POU3F3: variants seen among roughly 807,000 people sequenced by gnomAD.
POU3F3 encodes POU class 3 homeobox 3, also known as POU domain, class 3, transcription factor 3.
Under a neutral mutation model 8.6 loss-of-function variants are expected in POU3F3, and 1 was observed. That is an observed-to-expected ratio of 0.12 (90% CI 0.04 to 0.55). The LOEUF (loss-of-function observed/expected upper bound fraction) is 0.55. Ranked by LOEUF, POU3F3 falls within the 20% of genes least tolerant of loss-of-function variation. The pLI, the probability that POU3F3 is intolerant of heterozygous loss-of-function variation, is 0.91. For synonymous variants in POU3F3, 418 were observed against 327.4 expected, an observed-to-expected ratio of 1.28 and a Z score of -2.99; for missense variants, 577 against 690.7, an observed-to-expected ratio of 0.84 and a Z score of 1.84.
At chr2:104,914,112 A>G in the POU3F3 span, among the ~76,000 whole-genome samples, 1 of 152,230 alleles carries the variant, frequency 6.6e-6, no homozygotes, top group Non-Finnish European at 1.5e-5. Flanking sequence ...AGAAAGCAAT[A>G]TCAGTGAGCA....
At chr2:104,901,082 T>C in the POU3F3 span, among the ~76,000 whole-genome samples, 24 of 152,350 alleles carry the variant, frequency 1.6e-4, no homozygotes, top group South Asian at 1.7e-3. Context: ...TGCTTAGTTC[T>C]GTTCTAAATT....
the POU3F3 span, among the ~76,000 whole-genome samples, chr2:104,923,052 T>G: frequency 6.6e-6 from 1 of 152,174 alleles, no homozygotes; most frequent in Non-Finnish European, 1.5e-5. Context: ...GCAAAACTAT[T>G]CTTTAAAAGT....
chr2:104,902,062 G>A, the POU3F3 span, among the ~76,000 whole-genome samples: 2 of 152,072 alleles, frequency 1.3e-5, no homozygotes, highest in African/African-American at 2.4e-5. Flanking sequence ...GGAATGATGG[G>A]CGAGGCTCCC....
At chr2:104,913,630 G>A in the POU3F3 span, among the ~76,000 whole-genome samples, 4 of 152,286 alleles carry the variant, frequency 2.6e-5, no homozygotes, top group East Asian at 3.9e-4. Context: ...TCAGTAAAAC[G>A]TATGTGAATA....
the POU3F3 span, among the ~76,000 whole-genome samples, chr2:104,863,868 T>C: frequency 6.6e-6 from 1 of 152,222 alleles, no homozygotes; most frequent in African/African-American, 2.4e-5. Context: ...GCTCATTGTC[T>C]GGGAAGACAC....
the POU3F3 span, among the ~76,000 whole-genome samples, chr2:104,872,789 A>G: frequency 6.6e-6 from 1 of 152,206 alleles, no homozygotes; most frequent in Non-Finnish European, 1.5e-5. The surrounding 1 kb of genome is among the most constrained non-coding windows in gnomAD (Gnocchi z 4.6). Context: ...GAGGAGACGC[A>G]TCCCTTCTTG....
At chr2:104,865,591 A>G in the POU3F3 span, 4 of 152,238 alleles carry the variant, frequency 2.6e-5, no homozygotes, top group East Asian at 3.8e-4. Flanking sequence ...AGGCAAGCCC[A>G]TTAAGTCGGC....
chr2:104,856,301 C>G lies in POU3F3; in HGVS notation c.791C>G (p.Thr264Arg). The G allele has an allele frequency of 6.7e-7, 1 of 1,500,364 alleles. No homozygotes were observed. The highest frequency in any genetic ancestry group is 8.8e-7 in the Non-Finnish European group (1 of 1,131,558). 92.9% of individuals were successfully genotyped at this position (1,500,364 alleles called of 1,614,324 possible). The change falls in exon 1 of 1, where the codon ACG (threonine) becomes AGG (arginine). Residue 264 changes from threonine (T) to arginine (R), a missense_variant. Thr to Arg is a moderately conservative substitution (Grantham distance 71). Around this residue, in one of 7 missense-constraint regions of POU3F3, gnomAD observed 484 missense variants for 422.6 expected, o/e 1.15. Coordinates refer to ENST00000361360, the MANE Select transcript of POU3F3 (RefSeq NM_006236.3). ...CACCCGGGGCTGGTGCGCGGGGACACGCCAGAGCTGGCCGAGCACCACCAC... is the reference window on the plus strand; with the variant it reads ...CACCCGGGGCTGGTGCGCGGGGACAGGCCAGAGCTGGCCGAGCACCACCAC... ...LVHPGLVRGD[T>R]PELAEHHHHH...
chr2:104,891,654 G>A, the POU3F3 span, among the ~76,000 whole-genome samples: 1 of 152,184 alleles, frequency 6.6e-6, no homozygotes, highest in Non-Finnish European at 1.5e-5. Context: ...TTGGAAATGG[G>A]CCTTTGGTTG....
the POU3F3 span, among the ~76,000 whole-genome samples, chr2:104,908,260 C>G: frequency 6.6e-6 from 1 of 152,076 alleles, no homozygotes; most frequent in Non-Finnish European, 1.5e-5. Context: ...GGTTCACTTT[C>G]CAGGGCTGTC....
At chr2:104,883,829 G>A in the POU3F3 span, among the ~76,000 whole-genome samples, 4 of 152,200 alleles carry the variant, frequency 2.6e-5, no homozygotes, top group East Asian at 1.9e-4. Flanking sequence ...TCCTTCACTG[G>A]TAGGAAGACA....
downstream of POU3F3, among the ~76,000 whole-genome samples, chr2:104,860,193 A>T (rs1270987679): frequency 6.6e-6 from 1 of 152,200 alleles, no homozygotes; most frequent in Non-Finnish European, 1.5e-5. Context: ...AGAATCCCTG[A>T]TTTGGGGGTA....
At chr2:104,906,052 T>A in the POU3F3 span, among the ~76,000 whole-genome samples, 1 of 152,218 alleles carries the variant, frequency 6.6e-6, no homozygotes, top group Non-Finnish European at 1.5e-5. Flanking sequence ...TACAAACAAT[T>A]TTCTATATTC....
the POU3F3 span, among the ~76,000 whole-genome samples, chr2:104,906,342 T>TCTATA: frequency 6.6e-6 from 1 of 152,166 alleles, no homozygotes; most frequent in African/African-American, 2.4e-5. Flanking sequence ...AGTAGCTGGG[T>TCTATA]TTATTTCTAG....
chr2:104,905,356 G>C, the POU3F3 span, among the ~76,000 whole-genome samples: 1 of 152,090 alleles, frequency 6.6e-6, no homozygotes, highest in Non-Finnish European at 1.5e-5. Flanking sequence ...TGCATATAGT[G>C]GAAGTCCCTT....
chr2:104,910,756 T>C, the POU3F3 span, among the ~76,000 whole-genome samples: 1 of 152,168 alleles, frequency 6.6e-6, no homozygotes, highest in Non-Finnish European at 1.5e-5. Flanking sequence ...AGAAAGAGGA[T>C]AACTGTATAC....
upstream of POU3F3, chr2:104,853,701 T>C (rs1676488386): frequency 6.6e-6 from 1 of 152,192 alleles, no homozygotes; most frequent in Non-Finnish European, 1.5e-5. Flanking sequence ...TCCCCCTTCG[T>C]TTTCCTTCTG....
At chr2:104,859,049 G>A (rs375141777), downstream of POU3F3, among the ~76,000 whole-genome samples, 5 of 151,304 alleles carry the variant, frequency 3.3e-5, no homozygotes, top group African/African-American at 1.2e-4. Context: ...GTTAGGAGTC[G>A]CTTATAAGTC....
chr2:104,888,954 C>T, the POU3F3 span, among the ~76,000 whole-genome samples: 1 of 152,242 alleles, frequency 6.6e-6, no homozygotes, highest in Admixed American at 6.5e-5. Context: ...CTACTTGTAA[C>T]CTTTCAGCAA....
Sources: gnomAD v4.1 joint callset for allele counts (sites outside exome capture counted in the v4.1 genomes callset) on GRCh38, gnomAD v4.1.1 for gene constraint, gnomAD v4.1.1 regional missense constraint, Gnocchi (gnomAD v3.1) non-coding constraint, MANE v1.5 for transcripts, NCBI Gene and HGNC (gene_info 2026-07-23, HGNC 2026-07-21) for gene names.